POF1B: variants seen among roughly 807,000 people sequenced by gnomAD.
The protein encoded by POF1B is POF1B actin binding protein.
POF1B carries 53 observed loss-of-function variants against 55.3 expected under a neutral mutation model. That is an observed-to-expected ratio of 0.96 (90% CI 0.77 to 1.20). The LOEUF (loss-of-function observed/expected upper bound fraction) is 1.20. Among genes scored for constraint, POF1B ranks in the 50% most tolerant of loss-of-function variants. The probability of loss-of-function intolerance (pLI) is 0.00; values close to 1 mark genes in which losing one functional copy is unlikely to be tolerated. For missense variants in POF1B, 478 were observed against 420.5 expected, an observed-to-expected ratio of 1.14 and a Z score of -1.20; for synonymous variants, 188 against 148.3, an observed-to-expected ratio of 1.27 and a Z score of -1.95.
intron 15 of POF1B, among the ~76,000 whole-genome samples, chrX:85,296,140 G>A (rs1351210308): frequency 8.9e-6 from 1 of 112,086 alleles, no homozygotes; most frequent in African/African-American, 3.2e-5. Flanking sequence ...CTGCCTGGGA[G>A]ATGGGTCTCT....
chrX:85,283,708 C>A (rs777701534), intron 15 of POF1B, among the ~76,000 whole-genome samples: 6 of 109,015 alleles, frequency 5.5e-5, no homozygotes, highest in African/African-American at 2.0e-4. Context: ...GCTCAGTGAA[C>A]GTGAAAAAAA....
rs375912432 is a variant in POF1B at position 85,285,342 on chromosome X, G to A, written c.1650-3025C>T. On this transcript the variant is annotated intron_variant, in intron 15 of 16. Transcript: ENST00000262753. ...TTATAAATCATGCTGCTATAAAGAC[G>A]TATGCACACGTATGTTTATTGTGGC... Among the ~76,000 whole-genome samples the A allele has an allele frequency of 9.9e-5, 11 of 110,773 alleles. No individual in the cohort carries two copies. In the East Asian group the frequency reaches 2.6e-3, roughly 26 times the overall value.
intron 3 of POF1B, among the ~76,000 whole-genome samples, chrX:85,360,292 T>G (rs1404640136): frequency 4.7e-5 from 5 of 106,857 alleles, no homozygotes; most frequent in Non-Finnish European, 5.8e-5. Context: ...TTATTTTTAC[T>G]AATCCTCTCC....
intron 2 of POF1B, among the ~76,000 whole-genome samples, chrX:85,375,279 G>A (rs1159834011): frequency 9.0e-6 from 1 of 111,633 alleles, no homozygotes; most frequent in East Asian, 2.8e-4. Flanking sequence ...TAAGAGCATG[G>A]CAAATTTCCC....
Position 85,321,244 on chromosome X carries a change from A to G in POF1B, c.855-5510T>C, listed in dbSNP as rs1421990855. ...CAGCACATCAAAAAGCTTATCCACC[A>G]TGATCAAGTGGGCTTCATCCCTGGG... On this transcript the variant is annotated intron_variant, in intron 7 of 16. Transcript: ENST00000262753. Among the ~76,000 whole-genome samples the G allele has an allele frequency of 3.6e-5, 4 of 111,052 alleles. No homozygotes were observed. The East Asian group carries it at 8.5e-4, about 24-fold the overall frequency.
chrX:85,352,412 T>G (rs1299390748), intron 4 of POF1B, among the ~76,000 whole-genome samples: 1 of 111,499 alleles, frequency 9.0e-6, no homozygotes, highest in Non-Finnish European at 1.9e-5. Flanking sequence ...GTACTAGGAT[T>G]TTTGTAGTCT....
intron 6 of POF1B, among the ~76,000 whole-genome samples, chrX:85,331,616 T>C (rs1932981618): frequency 9.0e-6 from 1 of 111,099 alleles, no homozygotes; most frequent in African/African-American, 3.3e-5. Flanking sequence ...TGCTAGATAT[T>C]TGAAAATATA....
At chrX:85,334,680 A>C (rs1933036661) in intron 6 of POF1B, among the ~76,000 whole-genome samples, 1 of 111,405 alleles carries the variant, frequency 9.0e-6, no homozygotes, top group Admixed American at 9.5e-5. Flanking sequence ...ATCTGTAGAA[A>C]GGAAGTAATT....
At chrX:85,348,892 G>A (rs1472529423) in intron 5 of POF1B, among the ~76,000 whole-genome samples, 1 of 111,571 alleles carries the variant, frequency 9.0e-6, no homozygotes, top group African/African-American at 3.2e-5. Flanking sequence ...GCTAGAAGCA[G>A]CATGAAATGA....
Position 85,288,139 on chromosome X carries a change from A to G in POF1B, c.1650-5822T>C, listed in dbSNP as rs754221521. Among the ~76,000 whole-genome samples the G allele has an allele frequency of 1.2e-4, 13 of 111,570 alleles. No homozygotes were observed. The East Asian group carries it at 3.7e-3, about 32-fold the overall frequency. On this transcript the variant is annotated intron_variant, in intron 15 of 16. Transcript: ENST00000262753. Reference sequence around the variant, plus strand: ...GTCTCTGGAACTCATTTAAGGGAGGACAGCAAGTAGAAAAATATTCAAGAA... The same window carrying G: ...GTCTCTGGAACTCATTTAAGGGAGGGCAGCAAGTAGAAAAATATTCAAGAA...
At chrX:85,353,843 T>G (rs916982688) in intron 4 of POF1B, among the ~76,000 whole-genome samples, 13 of 111,164 alleles carry the variant, frequency 1.2e-4, no homozygotes, top group Non-Finnish European at 2.5e-4. Flanking sequence ...TCAAGAGGTC[T>G]TAGAAGAGAA....
intron 7 of POF1B, among the ~76,000 whole-genome samples, chrX:85,325,348 C>T (rs927248519): frequency 2.7e-5 from 3 of 111,481 alleles, no homozygotes; most frequent in African/African-American, 9.8e-5. Flanking sequence ...TTTACAAAAT[C>T]CCTTATTTCT....
intron 9 of POF1B, among the ~76,000 whole-genome samples, 175 bp downstream of exon 9, chrX:85,314,257 T>C (rs1182208557): frequency 1.8e-5 from 2 of 111,236 alleles, no homozygotes; most frequent in Admixed American, 9.6e-5. Context: ...AGTGATTCAA[T>C]ATAATTTTTG....
intron 7 of POF1B, among the ~76,000 whole-genome samples, chrX:85,325,631 C>T (rs1402826595): frequency 2.7e-5 from 3 of 111,835 alleles, no homozygotes; most frequent in Non-Finnish European, 5.6e-5. Flanking sequence ...TCCTTCATGT[C>T]GATGATCTTT....
intron 15 of POF1B, among the ~76,000 whole-genome samples, chrX:85,293,075 G>C (rs770453763): frequency 1.8e-5 from 2 of 111,935 alleles, no homozygotes; most frequent in South Asian, 7.5e-4. Flanking sequence ...ATACACTGTT[G>C]GAGGTGTGTA....
intron 4 of POF1B, among the ~76,000 whole-genome samples, chrX:85,353,956 G>C (rs1351873412): frequency 9.0e-6 from 1 of 111,292 alleles, no homozygotes; most frequent in Non-Finnish European, 1.9e-5. Flanking sequence ...AAGTGGATTG[G>C]ATTTGGATTA....
chrX:85,292,429 T>A (rs1932212467), intron 15 of POF1B, among the ~76,000 whole-genome samples: 1 of 111,518 alleles, frequency 9.0e-6, no homozygotes, highest in Non-Finnish European at 1.9e-5. Context: ...GGTTTTGATA[T>A]CAGGATGATG....
chrX:85,315,783 T>G, intron 7 of POF1B, 49 bp from the exon 8 acceptor site: 1 of 981,275 alleles, frequency 1.0e-6, no homozygotes, highest in Non-Finnish European at 1.4e-6. Context: ...AGGTATTCAC[T>G]GATCATATAT....
intron 15 of POF1B, among the ~76,000 whole-genome samples, chrX:85,287,510 C>T (rs1932083687): frequency 9.0e-6 from 1 of 111,259 alleles, no homozygotes; most frequent in Non-Finnish European, 1.9e-5. Flanking sequence ...ACAAATTCTT[C>T]AAGAGACACA....
Sources: gnomAD v4.1 joint callset for allele counts (sites outside exome capture counted in the v4.1 genomes callset) on GRCh38, gnomAD v4.1.1 for gene constraint, MANE v1.5 for transcripts, NCBI Gene and HGNC (gene_info 2026-07-23, HGNC 2026-07-21) for gene names.